Variants in FHIT observed in about 807,000 individuals in gnomAD.
FHIT encodes the protein fragile histidine triad diadenosine triphosphatase.
FHIT carries 19 observed loss-of-function variants against 17.9 expected under a neutral mutation model. The ratio of observed to expected loss-of-function variants is 1.06; its 90% CI spans 0.74 to 1.56. The LOEUF is 1.56. FHIT is among the 40% of genes most tolerant of loss of function. The pLI, the probability that FHIT is intolerant of heterozygous loss-of-function variation, is 0.00. For missense variants in FHIT, 248 were observed against 189.2 expected (o/e 1.31, Z -1.82); for synonymous variants, 81 against 69.7 (o/e 1.16, Z -0.81).
intron 5 of FHIT, among the ~76,000 whole-genome samples, chr3:60,147,959 C>G (rs1338673248): frequency 6.6e-6 from 1 of 152,192 alleles, no homozygotes; most frequent in Non-Finnish European, 1.5e-5. Flanking sequence ...TCAATTATCA[C>G]TAAGTTATTT....
At chr3:60,879,310 G>C (rs1050118822) in intron 3 of FHIT, among the ~76,000 whole-genome samples, 1 of 152,164 alleles carries the variant, frequency 6.6e-6, no homozygotes, top group Non-Finnish European at 1.5e-5. Context: ...TGTTGACACT[G>C]AATGCAGCTG....
chr3:60,838,853 G>A (rs1425236753), intron 3 of FHIT, among the ~76,000 whole-genome samples: 1 of 152,170 alleles, frequency 6.6e-6, no homozygotes, highest in African/African-American at 2.4e-5. Flanking sequence ...CTGACACACA[G>A]AGAGAATCAG....
chr3:60,340,549 G>A (rs1710465083), intron 5 of FHIT, among the ~76,000 whole-genome samples: 1 of 152,158 alleles, frequency 6.6e-6, no homozygotes, highest in African/African-American at 2.4e-5. Flanking sequence ...TATATGGTTA[G>A]AAAGATTAAA....
intron 5 of FHIT, among the ~76,000 whole-genome samples, chr3:60,110,023 C>G (rs1704600860): frequency 6.6e-6 from 1 of 152,102 alleles, no homozygotes; most frequent in Non-Finnish European, 1.5e-5. Flanking sequence ...CAGAAATACT[C>G]CATGATTCAC....
At chr3:60,582,794 AG>A in intron 4 of FHIT, among the ~76,000 whole-genome samples, 1 of 152,246 alleles carries the variant, frequency 6.6e-6, no homozygotes, top group Non-Finnish European at 1.5e-5. Context: ...CATTTATTAT[AG>A]GTTTACTGTG....
chr3:59,909,334 AC>A (rs1451849225), intron 8 of FHIT, among the ~76,000 whole-genome samples: 1 of 150,820 alleles, frequency 6.6e-6, no homozygotes, highest in African/African-American at 2.4e-5. Context: ...GCCCGGCCCT[AC>A]TTTTTATTTT....
Position 60,955,611 on chromosome 3 carries a change from T to TATATACATATATATATATAC in FHIT, c.-111+86435_-111+86436insGTATATATATATATGTATAT, listed in dbSNP as rs1553778525. 3.0e-3 allele frequency among the ~76,000 whole-genome samples: 50 copies of TATATACATATATATATATAC among 16,886 alleles called. 4 individuals are homozygous for TATATACATATATATATATAC. Among genetic ancestry groups the TATATACATATATATATATAC allele is most frequent in the South Asian group, 9.8e-3 (4 of 408 alleles). 11.1% of individuals were successfully genotyped at this position (16,886 alleles called of 152,430 possible). On this transcript the variant is annotated intron_variant, in intron 3 of 9. Coordinates refer to ENST00000492590, the MANE Select transcript of FHIT (RefSeq NM_002012.4). ...GCATATATATACATATATATATATA[T>TATATACATATATATATATAC]ATATATATATATATATATATATACA...
At chr3:60,088,327 C>A (rs540946087) in intron 5 of FHIT, among the ~76,000 whole-genome samples, 3 of 152,138 alleles carry the variant, frequency 2.0e-5, no homozygotes, top group Non-Finnish European at 4.4e-5. Flanking sequence ...CAAGCATGAT[C>A]CTTAGAAACA....
At chr3:60,367,235 T>C (rs1700142938) in intron 5 of FHIT, among the ~76,000 whole-genome samples, 1 of 152,204 alleles carries the variant, frequency 6.6e-6, no homozygotes, top group Non-Finnish European at 1.5e-5. Flanking sequence ...GTAATAATGC[T>C]GCCTGGACAT....
intron 2 of FHIT, among the ~76,000 whole-genome samples, chr3:61,128,567 T>C (rs1021158649): frequency 3.2e-4 from 49 of 152,124 alleles, no homozygotes; most frequent in African/African-American, 1.1e-3. Flanking sequence ...GGGTTATATG[T>C]GGGCCCGTCC....
chr3:61,070,784 C>T (rs1384622783), intron 2 of FHIT, among the ~76,000 whole-genome samples: 1 of 152,136 alleles, frequency 6.6e-6, no homozygotes, highest in African/African-American at 2.4e-5. Flanking sequence ...CTAACAAGTG[C>T]CCAGTCTTAC....
chr3:60,322,600 T>C (rs1285521417), intron 5 of FHIT, among the ~76,000 whole-genome samples: 2 of 152,184 alleles, frequency 1.3e-5, no homozygotes, highest in East Asian at 3.8e-4. Flanking sequence ...CCACAACTGA[T>C]ATGATGTGTT....
intron 4 of FHIT, among the ~76,000 whole-genome samples, chr3:60,744,187 A>C (rs1559687821): frequency 6.7e-6 from 1 of 149,388 alleles, no homozygotes; most frequent in Non-Finnish European, 1.5e-5. Flanking sequence ...CTACTGACGA[A>C]AAACGCGTTT....
At chr3:60,630,800 T>C (rs2039418028) in intron 4 of FHIT, among the ~76,000 whole-genome samples, 1 of 152,284 alleles carries the variant, frequency 6.6e-6, no homozygotes, top group African/African-American at 2.4e-5. Context: ...CTCTGGTTTA[T>C]ACAGAGTAAT....
intron 5 of FHIT, among the ~76,000 whole-genome samples, chr3:60,425,980 T>C (rs926355642): frequency 1.3e-5 from 2 of 152,130 alleles, no homozygotes; most frequent in African/African-American, 2.4e-5. Flanking sequence ...AGAGAATTTA[T>C]GTGCACAGCA....
At chr3:61,123,906 G>A (rs546115648) in intron 2 of FHIT, among the ~76,000 whole-genome samples, 1 of 152,084 alleles carries the variant, frequency 6.6e-6, no homozygotes. Flanking sequence ...ATACTCTTGA[G>A]CCCAGGAAAA....
At chr3:60,083,817 G>C (rs1003567486) in intron 5 of FHIT, among the ~76,000 whole-genome samples, 1 of 152,182 alleles carries the variant, frequency 6.6e-6, no homozygotes, top group African/African-American at 2.4e-5. Flanking sequence ...AAAACAAATA[G>C]TGGGCCAAAT....
chr3:60,216,459 G>A (rs1703702691), intron 5 of FHIT, among the ~76,000 whole-genome samples: 1 of 152,130 alleles, frequency 6.6e-6, no homozygotes, highest in African/African-American at 2.4e-5. Flanking sequence ...TTTTAACAGT[G>A]ACAGGTCATG....
chr3:59,968,513 T>C (rs969764850), intron 7 of FHIT, among the ~76,000 whole-genome samples: 3 of 152,006 alleles, frequency 2.0e-5, no homozygotes, highest in Non-Finnish European at 2.9e-5. Flanking sequence ...GCAGGAAGCC[T>C]AGTCCATCAA....
Sources: allele counts gnomAD v4.1 joint callset (sites outside exome capture counted in the v4.1 genomes callset), GRCh38; gene constraint gnomAD v4.1.1; transcripts MANE v1.5; gene names NCBI Gene and HGNC (gene_info 2026-07-23, HGNC 2026-07-21).